USP42: variants seen among roughly 807,000 people sequenced by gnomAD.
USP42 encodes ubiquitin carboxyl-terminal hydrolase 42.
USP42 carries 23 observed loss-of-function variants against 113.0 expected under a neutral mutation model. That is an observed-to-expected ratio of 0.20 (90% CI 0.15 to 0.29). The LOEUF (loss-of-function observed/expected upper bound fraction) is 0.29. Ranked by LOEUF, USP42 falls within the 10% of genes least tolerant of loss-of-function variation. The pLI, the probability that USP42 is intolerant of heterozygous loss-of-function variation, is 1.00. For missense variants in USP42, 2,174 were observed against 1,779.8 expected, an observed-to-expected ratio of 1.22 and a Z score of -3.99; for synonymous variants, 933 against 699.0, an observed-to-expected ratio of 1.33 and a Z score of -5.28.
In USP42 at chr7:6,154,590, C is replaced by T. The variant is rs757166091; in HGVS notation, c.3036C>T (p.Arg1012=). ...HGDRLSPGER[R]SLGRCSHHHS... The stretch of plus-strand genomic sequence containing the variant: ...ACAGGCTCAGCCCTGGCGAGCGCCG[C>T]TCTCTGGGCAGGTGCAGTCACCACC... The change falls in exon 15 of 18, where the codon CGC becomes CGT. Residue 1012 remains arginine (R), a synonymous_variant. Transcript: ENST00000306177. The T allele has an allele frequency of 2.5e-6, 4 of 1,574,608 alleles. No homozygotes were observed. The highest frequency in any genetic ancestry group is 3.7e-5 in the Admixed American group (2 of 54,478).
At chr7:6,101,039 G>A (rs1243214493), upstream of USP42, among the ~76,000 whole-genome samples, 2 of 150,836 alleles carry the variant, frequency 1.3e-5, no homozygotes, top group Non-Finnish European at 2.9e-5. Context: ...CAAGATTTAG[G>A]TACAATTTGG....
At chr7:6,087,732 C>G in the USP42 span, among the ~76,000 whole-genome samples, 1 of 151,118 alleles carries the variant, frequency 6.6e-6, no homozygotes, top group Non-Finnish European at 1.5e-5. Context: ...AAGCTATACC[C>G]TCGTCTTGCC....
rs182474509 is a variant in USP42 at position 6,145,262 on chromosome 7, C to T, written c.991-254C>T. 1.7e-3 allele frequency among the ~76,000 whole-genome samples: 262 copies of T among 151,292 alleles called. 1 individual carries two copies. The highest frequency in any genetic ancestry group is 2.2e-3 in the Non-Finnish European group (151 of 67,916). On this transcript the variant is annotated intron_variant, in intron 9 of 17. Transcript: ENST00000306177. ...AGGACAATCACTTGAACCCGGGAGG[C>T]GGAGCTTCCAGTGAGCTGAGATCGT...
intron 2 of USP42, 149 bp downstream of exon 2, chr7:6,111,523 C>T (rs1036415317): frequency 1.1e-6 from 1 of 907,384 alleles, no homozygotes; most frequent in African/African-American, 1.7e-5. Flanking sequence ...GCTTTGTTTT[C>T]CTGTTACTTG....
chr7:6,156,676 T>G, intron 15 of USP42, 78 bp from the exon 16 acceptor site: 2 of 1,450,230 alleles, frequency 1.4e-6, no homozygotes. Flanking sequence ...GGTGAATGGG[T>G]GGAAAGGCCA....
At chr7:6,122,472 G>T (rs543825336) in intron 3 of USP42, among the ~76,000 whole-genome samples, 3 of 151,562 alleles carry the variant, frequency 2.0e-5, no homozygotes, top group East Asian at 1.9e-4. Context: ...TTTTTTGTTT[G>T]TTTGTTTGTT....
intron 1 of USP42, among the ~76,000 whole-genome samples, chr7:6,107,701 G>A (rs1032401149): frequency 6.6e-6 from 1 of 151,936 alleles, no homozygotes; most frequent in Non-Finnish European, 1.5e-5. Flanking sequence ...GAGCACCTGC[G>A]CCCGGCCTCT....
chr7:6,147,715 A>G (rs199665296), intron 11 of USP42, 24 bp from the exon 12 acceptor site: 18 of 1,555,692 alleles, frequency 1.2e-5, no homozygotes, highest in Non-Finnish European at 1.4e-5. Flanking sequence ...GTGTCACCCT[A>G]AGTATCGCTC....
chr7:6,143,096 G>T, intron 8 of USP42, 82 bp downstream of exon 8: 1 of 1,438,508 alleles, frequency 7.0e-7, no homozygotes, highest in Non-Finnish European at 9.7e-7. Flanking sequence ...AGAGTTTGGT[G>T]TGTCTAGGTT....
At chr7:6,114,642 A>G (rs1176901221) in intron 2 of USP42, among the ~76,000 whole-genome samples, 3 of 106,924 alleles carry the variant, frequency 2.8e-5, no homozygotes, top group African/African-American at 4.0e-5. Flanking sequence ...GTGTGTATAT[A>G]TGTATGTGTG....
At chr7:6,097,563 C>CT in the USP42 span, among the ~76,000 whole-genome samples, 5 of 150,460 alleles carry the variant, frequency 3.3e-5, no homozygotes, top group Non-Finnish European at 7.4e-5. Flanking sequence ...TAAGCCACTG[C>CT]GCCCAGCCAT....
At chr7:6,111,467 G>A (rs951700338) in intron 2 of USP42, 93 bp downstream of exon 2, 8 of 1,472,936 alleles carry the variant, frequency 5.4e-6, no homozygotes, top group Non-Finnish European at 7.3e-6. Flanking sequence ...TATTTTGCAA[G>A]GCGTGAGGCC....
rs779731292 is a variant in USP42, at chr7:6,154,362, C to G, written c.2808C>G (p.Ser936=). ...DAAAPKAPGP[S]PAKEKIGSLR... is the part of the protein sequence containing the mutation. ...CGGCGCCGAAAGCCCCAGGCCCTTCCCCAGCGAAGGAGAAAATCGGCAGCC... is the reference window on the plus strand; with the variant it reads ...CGGCGCCGAAAGCCCCAGGCCCTTCGCCAGCGAAGGAGAAAATCGGCAGCC... The change falls in exon 15 of 18, where the codon TCC becomes TCG. Residue 936 remains serine, a synonymous_variant. Transcript: ENST00000306177. The G allele has an allele frequency of 3.2e-6, 5 of 1,574,964 alleles. No individual in the cohort carries two copies. The highest frequency in any genetic ancestry group is 2.3e-5 in the South Asian group (2 of 86,106).
At chr7:6,152,866 C>G in intron 14 of USP42, 1 of 908,196 alleles carries the variant, frequency 1.1e-6, no homozygotes, top group African/African-American at 1.8e-5. Context: ...TGGAGGTGGC[C>G]CCTCTACCTT....
At chr7:6,129,184 A>G (rs1341786764) in intron 3 of USP42, among the ~76,000 whole-genome samples, 2 of 152,100 alleles carry the variant, frequency 1.3e-5, no homozygotes, top group Admixed American at 1.3e-4. Flanking sequence ...TGGTATTGTC[A>G]TTTTACTAGT....
chr7:6,086,962 G>A, the USP42 span, among the ~76,000 whole-genome samples: 5 of 149,398 alleles, frequency 3.3e-5, no homozygotes, highest in South Asian at 2.1e-4. Flanking sequence ...TCCTGACTTC[G>A]GGTGATTTGC....
At chr7:6,137,379 G>A (rs896904213) in intron 4 of USP42, among the ~76,000 whole-genome samples, 1 of 152,236 alleles carries the variant, frequency 6.6e-6, no homozygotes, top group African/African-American at 2.4e-5. Flanking sequence ...ATTCATTTGA[G>A]ATGGAGTCTC....
chr7:6,112,696 TC>T (rs1358989111), intron 2 of USP42, among the ~76,000 whole-genome samples: 1 of 152,124 alleles, frequency 6.6e-6, no homozygotes, highest in African/African-American at 2.4e-5. Flanking sequence ...CCAACACAAA[TC>T]CGTAAACTTT....
intron 3 of USP42, among the ~76,000 whole-genome samples, chr7:6,123,373 A>T (rs1170841679): frequency 6.6e-6 from 1 of 152,044 alleles, no homozygotes; most frequent in Non-Finnish European, 1.5e-5. Flanking sequence ...ATAAAATATT[A>T]AAAAATTGGG....
Sources: gnomAD v4.1 joint callset for allele counts (sites outside exome capture counted in the v4.1 genomes callset) on GRCh38, gnomAD v4.1.1 for gene constraint, MANE v1.5 for transcripts, NCBI Gene and HGNC (gene_info 2026-07-23, HGNC 2026-07-21) for gene names.